The following SIGLEC1 variants were observed in gnomAD, a reference collection of about 807,000 sequenced individuals.
SIGLEC1 encodes the protein sialoadhesin.
In SIGLEC1, 132 loss-of-function variants were observed where a neutral mutation model predicts 148.0. The ratio of observed to expected loss-of-function variants is 0.89; its 90% CI spans 0.77 to 1.03. SIGLEC1 has a LOEUF of 1.03. SIGLEC1 is among the 50% of genes least tolerant of loss of function. SIGLEC1 has a pLI of 0.00. For missense variants in SIGLEC1, 2,253 were observed against 2,271.4 expected (o/e 0.99, Z 0.16); for synonymous variants, 945 against 969.0 (o/e 0.98, Z 0.46).
In SIGLEC1 at chr20:3,694,395, G is replaced by T; in HGVS notation, c.3082C>A (p.Leu1028Ile). The T allele has an allele frequency of 1.2e-6, 2 of 1,613,256 alleles. No individual in the cohort carries two copies. The highest frequency in any genetic ancestry group is 1.7e-6 in the Non-Finnish European group (2 of 1,179,872). Residue 1028 changes from leucine (L) to isoleucine (I), a missense_variant, in exon 13 of 22, where the codon CTA becomes ATA. Coordinates refer to ENST00000344754, the MANE Select transcript of SIGLEC1 (RefSeq NM_023068.4). ...LHGDRLVAST[L>I]QGVGGPEGSS... ...CCTTCGGGTCCCCCCACACCTTGTA[G>T]GGTGGAGGCCACAAGGCGATCCCCG...
At chr20:3,702,689 G>A (rs6052018) in intron 6 of SIGLEC1, among the ~76,000 whole-genome samples, 2,400 of 152,246 alleles carry the variant, frequency 0.016, 64 homozygotes, top group African/African-American at 0.054. Flanking sequence ...CGGTAAAGAA[G>A]CCTCATGTCT....
In SIGLEC1 at chr20:3,707,107, G is replaced by A. The variant is rs779399455; in HGVS notation, c.22C>T (p.Leu8Phe). ...GCTGGGAAGAATGAGGCCAGGAGGA[G>A]AAGCTTGGGCAAGAAGCCCATAGCA... MGFLPKL[L>F]LLASFFPAGQ... is the part of the protein sequence containing the mutation. Residue 8 changes from leucine (L) to phenylalanine (F), a missense_variant, in exon 2 of 22, where the codon CTC (leucine) becomes TTC (phenylalanine). Leu to Phe is a conservative substitution (Grantham distance 22). Transcript: ENST00000344754. The A allele has an allele frequency of 1.9e-6, 3 of 1,614,006 alleles. No individual in the cohort carries two copies. Among genetic ancestry groups the A allele is most frequent in the African/African-American group, 1.3e-5 (1 of 74,948 alleles).
In SIGLEC1 at chr20:3,703,031, A is replaced by G. The variant is rs1382918378; in HGVS notation, c.1228+166T>C. 2.7e-5 allele frequency: 18 copies of G among 670,516 alleles called. No homozygotes were observed. In the East Asian group the frequency reaches 5.0e-4, roughly 18 times the overall value. The allele number at this position is 670,516 out of a possible 1,614,324, so 41.5% of individuals were successfully genotyped here. A position where few individuals can be genotyped will look rare whatever the true frequency, so the allele number is the denominator to read the frequency against. Reference sequence around the variant, plus strand: ...AATATAAAATAGGAGGGAACTAGGGAGGTCAAAGCATTGCCCAGGTGTGCA... The same window carrying G: ...AATATAAAATAGGAGGGAACTAGGGGGGTCAAAGCATTGCCCAGGTGTGCA... On this transcript the variant is annotated intron_variant, in intron 6 of 21. Transcript: ENST00000344754.
chr20:3,689,693 C>T lies in SIGLEC1; in HGVS notation c.4904G>A (p.Arg1635His), dbSNP rs377255910. ...STYFGVRALHRLHQFQQLLWV... is the reference protein window; with the variant it reads ...STYFGVRALHHLHQFQQLLWV... ...GAGCAGCTGCTGGAACTGATGCAGG[C>T]GGTGCAGGGCTGGAACACAGAGCGG... Residue 1635 changes from arginine to histidine, a missense_variant, in exon 20 of 22, where the codon CGC becomes CAC. Arg to His is a conservative substitution (Grantham distance 29). Transcript: ENST00000344754. 7.2e-5 allele frequency: 113 copies of T among 1,576,130 alleles called. No individual in the cohort carries two copies. The highest frequency in any genetic ancestry group is 4.3e-4 in the African/African-American group (32 of 74,428).
At chr20:3,690,359 T>A in intron 18 of SIGLEC1, 95 bp from the exon 19 acceptor site, 2 of 988,562 alleles carry the variant, frequency 2.0e-6, no homozygotes, top group Non-Finnish European at 2.9e-6. Context: ...CTCCTCCCAT[T>A]AAGAGGCAGA....
At chr20:3,689,130 C>T (rs1261049443) in intron 21 of SIGLEC1, 25 bp downstream of exon 21, 3 of 1,600,602 alleles carry the variant, frequency 1.9e-6, no homozygotes, top group Non-Finnish European at 2.6e-6. Context: ...GGTATTATAT[C>T]TGCCCGTGTG....
rs780852191 is a variant in SIGLEC1 at position 3,694,409 on chromosome 20, A to G, written c.3068T>C (p.Leu1023Pro). Reference sequence around the variant, plus strand: ...CACACCTTGTAGGGTGGAGGCCACAAGGCGATCCCCGTGGAGCAGCCGCAG... The same window carrying G: ...CACACCTTGTAGGGTGGAGGCCACAGGGCGATCCCCGTGGAGCAGCCGCAG... ...AQLRLLHGDR[L>P]VASTLQGVGG... is the part of the protein sequence containing the mutation. The change falls in exon 13 of 22, where the codon CTT becomes CCT. Residue 1023 changes from leucine to proline, a missense_variant. Leu to Pro is a moderately conservative substitution (Grantham distance 98, BLOSUM62 -3). Transcript: ENST00000344754. 3 of 1,612,916 alleles carry G rather than the reference A, an allele frequency of 1.9e-6. No individual in the cohort carries two copies. The highest frequency in any genetic ancestry group is 2.2e-5 in the South Asian group (2 of 91,074).
rs149670157 is a variant in SIGLEC1, at chr20:3,709,394, C to T, written c.-109-2157G>A. Among the ~76,000 whole-genome samples the T allele has an allele frequency of 3.7e-3, 563 of 152,308 alleles. 4 individuals are homozygous for T. The highest frequency in any genetic ancestry group is 0.013 in the African/African-American group (530 of 41,568). ...TACCACTTCACATCCGTTAGAATGG[C>T]TATTCACAAACAAACAAAGCAACAC... On this transcript the variant is annotated intron_variant, in intron 1 of 21. Transcript: ENST00000344754.
rs2088742936 is a variant in SIGLEC1, at chr20:3,690,190, C to T, written c.4666G>A (p.Val1556Met). The T allele has an allele frequency of 4.5e-6, 7 of 1,566,372 alleles. No individual in the cohort carries two copies. Among genetic ancestry groups the T allele is most frequent in the Non-Finnish European group, 6.1e-6 (7 of 1,156,658 alleles). Residue 1556 changes from valine (V) to methionine (M), a missense_variant, in exon 19 of 22, where the codon GTG (valine) becomes ATG (methionine). Coordinates refer to ENST00000344754, the MANE Select transcript of SIGLEC1 (RefSeq NM_023068.4). ...GGLRGILDCR[V>M]DSEPLASLTL... ...AGGCTGGCGAGCGGCTCGCTGTCCA[C>T]TCGGCAATCCAGGATGCCCCGGAGG... is the stretch of plus-strand genomic sequence containing the variant.
intron 18 of SIGLEC1, among the ~76,000 whole-genome samples, chr20:3,690,555 C>T (rs1051844399): frequency 5.9e-5 from 9 of 152,256 alleles, no homozygotes; most frequent in African/African-American, 1.4e-4. Flanking sequence ...CAGCCAGGAG[C>T]GTGCAGTCAT....
intron 11 of SIGLEC1, among the ~76,000 whole-genome samples, chr20:3,696,129 T>TATATATATACACAC (rs11087599): frequency 4.2e-5 from 6 of 142,516 alleles, no homozygotes; most frequent in African/African-American, 1.6e-4. Flanking sequence ...ACTATATATA[T>TATATATATACACAC]ACACACACAC....
chr20:3,698,865 C>T (rs1021745207), intron 8 of SIGLEC1, among the ~76,000 whole-genome samples: 1 of 152,232 alleles, frequency 6.6e-6, no homozygotes, highest in Non-Finnish European at 1.5e-5. Context: ...GAGCCCAGCA[C>T]AGCCTGTGGG....
intron 18 of SIGLEC1, 93 bp from the exon 19 acceptor site, chr20:3,690,357 A>T: frequency 1.0e-6 from 1 of 995,602 alleles, no homozygotes; most frequent in Non-Finnish European, 1.4e-6. Flanking sequence ...TGCTCCTCCC[A>T]TTAAGAGGCA....
intron 7 of SIGLEC1, among the ~76,000 whole-genome samples, chr20:3,700,697 C>CTTTTTTTTTTTTT (rs71195856): frequency 1.5e-4 from 18 of 119,870 alleles, no homozygotes; most frequent in South Asian, 2.7e-4. Flanking sequence ...TTTTCTTTTT[C>CTTTTTTTTTTTTT]TTTTTTTTTT....
At chr20:3,692,300 C>A in intron 16 of SIGLEC1, 98 bp from the exon 17 acceptor site, 1 of 1,295,112 alleles carries the variant, frequency 7.7e-7, no homozygotes, top group Non-Finnish European at 1.0e-6. Flanking sequence ...GCCTCTGGAC[C>A]AATGGCCACT....
At chr20:3,703,540 T>A in intron 5 of SIGLEC1, 89 bp from the exon 6 acceptor site, 1 of 1,479,780 alleles carries the variant, frequency 6.8e-7, no homozygotes, top group Non-Finnish European at 9.0e-7. Flanking sequence ...CCAATCAGCC[T>A]CAATCTCTGC....
At chr20:3,700,991 G>A (rs904088634) in intron 7 of SIGLEC1, among the ~76,000 whole-genome samples, 6 of 152,154 alleles carry the variant, frequency 3.9e-5, no homozygotes, top group East Asian at 3.9e-4. Flanking sequence ...GAGCCACCAC[G>A]CCCAGCCAGA....
rs2087899155 is a variant in SIGLEC1, at chr20:3,706,701, C to CTGGAGACGCCCCAGA, written c.54_55insTCTGGGGCGTCTCCA (p.Gln18_Ala19insSerGlyAlaSerPro). On this transcript the variant is annotated inframe_insertion, in exon 3 of 22. Transcript: ENST00000344754. ...TGGGGACTGGAGACGCCCCATGAGGCCTGGCCTGGGGGAAGAACGGCAGGG... is the reference window on the plus strand; with the variant it reads ...TGGGGACTGGAGACGCCCCATGAGGCTGGAGACGCCCCAGACTGGCCTGGGGGAAGAACGGCAGGG... 6.5e-7 allele frequency: 1 copy of CTGGAGACGCCCCAGA among 1,539,848 alleles called. No homozygotes were observed. The highest frequency in any genetic ancestry group is 2.5e-5 in the East Asian group (1 of 40,670).
rs115340274 is a variant in SIGLEC1, at chr20:3,711,200, G to T, written c.-110+1270C>A. Among the ~76,000 whole-genome samples, 510 of 152,340 alleles carry T rather than the reference G, an allele frequency of 3.3e-3. 2 individuals carry two copies. The highest frequency in any genetic ancestry group is 0.012 in the African/African-American group (493 of 41,578). On this transcript the variant is annotated intron_variant, in intron 1 of 21. Coordinates refer to ENST00000344754, the MANE Select transcript of SIGLEC1 (RefSeq NM_023068.4). ...CTCTTTTGGAAATCATTGTTCCCCA[G>T]ACAGGAGGTTCCTGAGGTTCATACT...
Sources: allele counts gnomAD v4.1 joint callset (sites outside exome capture counted in the v4.1 genomes callset), GRCh38; gene constraint gnomAD v4.1.1; transcripts MANE v1.5; gene names NCBI Gene and HGNC (gene_info 2026-07-23, HGNC 2026-07-21).